The following TBC1D5 variants were observed in gnomAD, a reference collection of about 807,000 sequenced individuals.
The protein encoded by TBC1D5 is TBC1 domain family, member 5.
Under a neutral mutation model 100.3 loss-of-function variants are expected in TBC1D5, and 75 were observed. That is an observed-to-expected ratio of 0.75 (90% CI 0.62 to 0.91). The LOEUF is 0.91. TBC1D5 is among the 40% of genes least tolerant of loss of function. TBC1D5 has a pLI of 0.00. For synonymous variants in TBC1D5, 323 were observed against 325.6 expected, an observed-to-expected ratio of 0.99 and a Z score of 0.09; for missense variants, 910 against 942.4, an observed-to-expected ratio of 0.97 and a Z score of 0.45.
At chr3:17,510,099 A>AT (rs1553801301) in intron 2 of TBC1D5, among the ~76,000 whole-genome samples, 121 of 152,028 alleles carry the variant, frequency 8.0e-4, no homozygotes, top group East Asian at 1.9e-4. Flanking sequence ...GAAAAAGAGG[A>AT]AATAAGAGAA....
intron 3 of TBC1D5, among the ~76,000 whole-genome samples, chr3:17,438,414 G>C (rs1341751995): frequency 3.3e-5 from 5 of 152,164 alleles, no homozygotes; most frequent in Admixed American, 2.0e-4. Flanking sequence ...ACCAGGTGGA[G>C]ATTACTGAAT....
chr3:17,457,183 A>G (rs2095107586), intron 3 of TBC1D5, among the ~76,000 whole-genome samples: 1 of 151,924 alleles, frequency 6.6e-6, no homozygotes, highest in South Asian at 2.1e-4. Flanking sequence ...TTTATTTTCT[A>G]TATTCTGCTT....
intron 3 of TBC1D5, among the ~76,000 whole-genome samples, chr3:17,464,182 C>G (rs1027128530): frequency 1.3e-5 from 2 of 151,938 alleles, no homozygotes; most frequent in Non-Finnish European, 2.9e-5. Flanking sequence ...AACTCCAGGT[C>G]AGGAAGATCT....
chr3:17,559,210 G>C (rs1327708533), intron 2 of TBC1D5, among the ~76,000 whole-genome samples: 3 of 151,318 alleles, frequency 2.0e-5, no homozygotes, highest in Admixed American at 1.3e-4. Context: ...GTGGCATCTC[G>C]GTTCCCTGCA....
chr3:17,393,396 G>T (rs1262931574), intron 8 of TBC1D5, among the ~76,000 whole-genome samples: 7 of 151,996 alleles, frequency 4.6e-5, no homozygotes, highest in Non-Finnish European at 1.0e-4. Context: ...TGGCCATACT[G>T]CCCAAAGTAA....
At chr3:17,506,964 C>T (rs1374011013) in intron 3 of TBC1D5, among the ~76,000 whole-genome samples, 1 of 152,056 alleles carries the variant, frequency 6.6e-6, no homozygotes, top group Non-Finnish European at 1.5e-5. Flanking sequence ...TGCAGTGAGC[C>T]GAGATTGCGC....
At chr3:17,395,362 C>G (rs1401048462) in intron 8 of TBC1D5, among the ~76,000 whole-genome samples, 3 of 151,928 alleles carry the variant, frequency 2.0e-5, no homozygotes, top group Non-Finnish European at 4.4e-5. Flanking sequence ...CCAGACGAGA[C>G]TGTGTCGCAA....
chr3:17,283,081 C>T (rs552548507), intron 15 of TBC1D5, among the ~76,000 whole-genome samples: 1 of 152,312 alleles, frequency 6.6e-6, no homozygotes, highest in South Asian at 2.1e-4. Flanking sequence ...TAATATCTCC[C>T]TGCAAATTCT....
chr3:17,274,012 T>TAAAAAAAAAA (rs34350746), intron 15 of TBC1D5, among the ~76,000 whole-genome samples: 1 of 139,588 alleles, frequency 7.2e-6, no homozygotes. Flanking sequence ...TGTATTTAAT[T>TAAAAAAAAAA]AAAAAAAAAA....
chr3:17,700,007 T>C (rs1356261510), intron 1 of TBC1D5: 5 of 152,304 alleles, frequency 3.3e-5, no homozygotes, highest in Middle Eastern at 3.4e-3. Flanking sequence ...TGTCCACTTA[T>C]GGTGACTCAA....
intron 17 of TBC1D5, among the ~76,000 whole-genome samples, chr3:17,215,267 C>T (rs528039805): frequency 1.4e-4 from 21 of 152,086 alleles, no homozygotes; most frequent in East Asian, 5.8e-4. Flanking sequence ...TTTTTGCTAA[C>T]GCAAAAATGT....
intron 2 of TBC1D5, among the ~76,000 whole-genome samples, chr3:17,609,839 G>A (rs2061557395): frequency 6.6e-6 from 1 of 152,174 alleles, no homozygotes. Flanking sequence ...AACTAGGACT[G>A]AAGAAGAAAC....
At chr3:17,217,971 C>T (rs1006571483) in intron 17 of TBC1D5, among the ~76,000 whole-genome samples, 2 of 151,944 alleles carry the variant, frequency 1.3e-5, no homozygotes, top group Non-Finnish European at 2.9e-5. Context: ...AAGTTTTCTT[C>T]TAAGGGTGTT....
At chr3:17,671,203 A>C (rs2067893841) in intron 1 of TBC1D5, among the ~76,000 whole-genome samples, 1 of 152,232 alleles carries the variant, frequency 6.6e-6, no homozygotes, top group African/African-American at 2.4e-5. Context: ...GTAAAGGCAA[A>C]CATGTCAATC....
chr3:17,602,561 ATTT>A (rs33956978), intron 2 of TBC1D5, among the ~76,000 whole-genome samples: 84 of 74,490 alleles, frequency 1.1e-3, no homozygotes, highest in Middle Eastern at 0.017. Context: ...AGAGAATCAG[ATTT>A]TTTTTTTTTT....
At chr3:17,474,348 A>C (rs1344903714) in intron 3 of TBC1D5, among the ~76,000 whole-genome samples, 1 of 152,138 alleles carries the variant, frequency 6.6e-6, no homozygotes, top group Non-Finnish European at 1.5e-5. Flanking sequence ...GTTTGTCCTA[A>C]AATGTCCATC....
intron 2 of TBC1D5, among the ~76,000 whole-genome samples, chr3:17,623,268 A>C (rs2062815251): frequency 6.6e-6 from 1 of 152,210 alleles, no homozygotes. Context: ...CTCAGGTAAC[A>C]CCAATACTGT....
At chr3:17,519,340 TC>T (rs1440151334) in intron 2 of TBC1D5, among the ~76,000 whole-genome samples, 1 of 152,210 alleles carries the variant, frequency 6.6e-6, no homozygotes, top group African/African-American at 2.4e-5. Flanking sequence ...TAAATTTTCT[TC>T]AACTATACCA....
chr3:17,372,747 T>C (rs978705623), intron 12 of TBC1D5, among the ~76,000 whole-genome samples: 2 of 152,236 alleles, frequency 1.3e-5, no homozygotes, highest in South Asian at 2.1e-4. Context: ...TATAAGTCTA[T>C]GACTTCATCA....
Sources: allele counts gnomAD v4.1 joint callset (sites outside exome capture counted in the v4.1 genomes callset), GRCh38; gene constraint gnomAD v4.1.1; transcripts MANE v1.5; gene names NCBI Gene and HGNC (gene_info 2026-07-23, HGNC 2026-07-21).